The following DLGAP2 variants were observed in gnomAD, a reference collection of about 807,000 sequenced individuals.
The protein encoded by DLGAP2 is disks large-associated protein 2.
A neutral mutation model predicts 100.3 loss-of-function variants in DLGAP2; 26 were observed. The observed-to-expected ratio is 0.26, with a 90% confidence interval of 0.19 to 0.36. DLGAP2 has a LOEUF of 0.36. DLGAP2 is among the 10% of genes least tolerant of loss of function. The pLI is 1.00. For synonymous variants in DLGAP2, 886 were observed against 630.1 expected (o/e 1.41, Z -6.08); for missense variants, 1,858 against 1,453.2 (o/e 1.28, Z -4.53).
intron 6 of DLGAP2, among the ~76,000 whole-genome samples, chr8:1,576,987 G>C (rs1198553302): frequency 6.6e-6 from 1 of 152,164 alleles, no homozygotes; most frequent in Admixed American, 6.5e-5. Context: ...AAAGAACAAA[G>C]CTGGAGGCAT....
At position 1,056,370 on chromosome 8, in the gene DLGAP2, T is replaced by C. The variant is rs900581434; in HGVS notation, c.73+148404T>C. Among the ~76,000 whole-genome samples, 4 of 152,212 alleles carry C rather than the reference T, an allele frequency of 2.6e-5. No individual in the cohort carries two copies. The East Asian group carries it at 7.7e-4, about 29-fold the overall frequency. On this transcript the variant is annotated intron_variant, in intron 2 of 14. Transcript: ENST00000637795. ...TTCCTCCAGCTCTGTGTGTCCTCTG[T>C]CCTGGTTTACCTCAGCCTTCTCCCA...
At chr8:1,246,705 T>G (rs1185909873) in intron 2 of DLGAP2, 3 of 152,288 alleles carry the variant, frequency 2.0e-5, no homozygotes, top group Non-Finnish European at 2.9e-5. Context: ...AGGTTGAGCA[T>G]AAACCACTGG....
At position 1,539,572 on chromosome 8, in the gene DLGAP2, G is replaced by A. The variant is rs186556889; in HGVS notation, c.173-9054G>A. On this transcript the variant is annotated intron_variant, in intron 4 of 14. Coordinates refer to ENST00000637795, the MANE Select transcript of DLGAP2 (RefSeq NM_001346810.2). Reference sequence around the variant, plus strand: ...CTTGCCAGGGTCCCGCACCCTCACCGGGAGCTGTGATGGGGCCACCTTCTC... The same window carrying A: ...CTTGCCAGGGTCCCGCACCCTCACCAGGAGCTGTGATGGGGCCACCTTCTC... Among the ~76,000 whole-genome samples, 5 of 152,060 alleles carry A rather than the reference G, an allele frequency of 3.3e-5. No homozygotes were observed. In the South Asian group the frequency reaches 6.3e-4, roughly 19 times the overall value.
chr8:879,317 G>A (rs1271989883), intron 1 of DLGAP2, among the ~76,000 whole-genome samples: 3 of 152,194 alleles, frequency 2.0e-5, no homozygotes, highest in Admixed American at 6.5e-5. Flanking sequence ...AATTTGTTTT[G>A]CTGTTAGGAC....
chr8:1,318,231 G>T (rs569429910), intron 3 of DLGAP2, among the ~76,000 whole-genome samples: 89 of 152,254 alleles, frequency 5.8e-4, no homozygotes, highest in East Asian at 1.3e-3. Context: ...ACTCTTGAAG[G>T]GTCCTGTTTC....
intron 4 of DLGAP2, among the ~76,000 whole-genome samples, chr8:1,522,816 C>T (rs944544929): frequency 2.6e-5 from 4 of 152,172 alleles, no homozygotes; most frequent in Non-Finnish European, 5.9e-5. Flanking sequence ...GCCATTTATT[C>T]TCTTTAATAG....
chr8:1,086,298 C>T (rs1166988180), intron 2 of DLGAP2, among the ~76,000 whole-genome samples: 1 of 152,032 alleles, frequency 6.6e-6, no homozygotes, highest in African/African-American at 2.4e-5. Flanking sequence ...AGTACTATAT[C>T]GAATAGAAGT....
At chr8:1,586,303 G>C (rs997342478) in intron 6 of DLGAP2, among the ~76,000 whole-genome samples, 3 of 152,200 alleles carry the variant, frequency 2.0e-5, no homozygotes, top group Non-Finnish European at 2.9e-5. Context: ...TGTCCTTGTT[G>C]TCAGCTGAAG....
At chr8:1,272,729 A>G (rs1258028677) in intron 3 of DLGAP2, among the ~76,000 whole-genome samples, 1 of 152,116 alleles carries the variant, frequency 6.6e-6, no homozygotes, top group East Asian at 1.9e-4. Flanking sequence ...TCAAGGTTTC[A>G]GGGTCTGTAG....
At chr8:1,072,575 G>C (rs112330796) in intron 2 of DLGAP2, among the ~76,000 whole-genome samples, 1 of 152,198 alleles carries the variant, frequency 6.6e-6, no homozygotes, top group African/African-American at 2.4e-5. Flanking sequence ...GGCCTGGCTT[G>C]TGGCTGTTCC....
intron 10 of DLGAP2, among the ~76,000 whole-genome samples, chr8:1,676,073 C>A (rs1798804576): frequency 6.6e-6 from 1 of 152,174 alleles, no homozygotes; most frequent in African/African-American, 2.4e-5. Flanking sequence ...TGTTTCTGAT[C>A]AGTGCTGAAA....
intron 3 of DLGAP2, among the ~76,000 whole-genome samples, chr8:1,390,685 C>T (rs1796330323): frequency 6.6e-6 from 1 of 152,190 alleles, no homozygotes; most frequent in Admixed American, 6.5e-5. Flanking sequence ...ATCTGAGTCT[C>T]TTGTTGGGTG....
At chr8:1,426,865 C>T (rs568042844) in intron 3 of DLGAP2, among the ~76,000 whole-genome samples, 1 of 151,598 alleles carries the variant, frequency 6.6e-6, no homozygotes, top group African/African-American at 2.4e-5. Flanking sequence ...TTCTATTCTA[C>T]CTGAAAGATT....
intron 3 of DLGAP2, among the ~76,000 whole-genome samples, chr8:1,383,483 G>C (rs1017928863): frequency 6.6e-6 from 1 of 152,334 alleles, no homozygotes; most frequent in African/African-American, 2.4e-5. Context: ...CGGATGTGGA[G>C]GCTGATAGGC....
At chr8:1,317,185 G>A (rs1800775489) in intron 3 of DLGAP2, among the ~76,000 whole-genome samples, 1 of 129,634 alleles carries the variant, frequency 7.7e-6, no homozygotes, top group Non-Finnish European at 1.6e-5. Context: ...GCGTGTGTGA[G>A]TGCAGCGTCT....
At chr8:984,386 T>C (rs1289051345) in intron 2 of DLGAP2, among the ~76,000 whole-genome samples, 2 of 152,220 alleles carry the variant, frequency 1.3e-5, no homozygotes, top group African/African-American at 4.8e-5. Context: ...AAGCTTTTAA[T>C]TGTGCCCTTA....
At chr8:857,345 T>C (rs1403833863) in intron 1 of DLGAP2, among the ~76,000 whole-genome samples, 1 of 152,164 alleles carries the variant, frequency 6.6e-6, no homozygotes, top group East Asian at 1.9e-4. Context: ...TGGACTTCAT[T>C]AAAATGAACA....
intron 3 of DLGAP2, among the ~76,000 whole-genome samples, chr8:1,299,038 G>A (rs1022272328): frequency 1.3e-5 from 2 of 152,242 alleles, no homozygotes; most frequent in Non-Finnish European, 2.9e-5. Context: ...ACTGCCATCC[G>A]TCTAGACCAG....
At chr8:1,142,027 G>C (rs1796529951) in intron 2 of DLGAP2, among the ~76,000 whole-genome samples, 1 of 151,020 alleles carries the variant, frequency 6.6e-6, no homozygotes, top group Admixed American at 6.6e-5. Context: ...GTATTTTTCT[G>C]CTTTTTAGAT....
Sources: allele counts gnomAD v4.1 joint callset (sites outside exome capture counted in the v4.1 genomes callset), GRCh38; gene constraint gnomAD v4.1.1; transcripts MANE v1.5; gene names NCBI Gene and HGNC (gene_info 2026-07-23, HGNC 2026-07-21).